Variants in PLA2G10 observed in about 807,000 individuals in gnomAD.
PLA2G10 encodes group 10 secretory phospholipase A2.
Under a neutral mutation model 7.9 loss-of-function variants are expected in PLA2G10, and 9 were observed. That is an observed-to-expected ratio of 1.14 (90% CI 0.68 to 1.98). PLA2G10 has a LOEUF of 1.98. Ranked by LOEUF, PLA2G10 falls within the 30% of genes most tolerant of loss-of-function variation. The probability of loss-of-function intolerance (pLI) is 0.00; values close to 1 mark genes in which losing one functional copy is unlikely to be tolerated. For missense variants in PLA2G10, 53 were observed against 65.4 expected, an observed-to-expected ratio of 0.81 and a Z score of 0.66; for synonymous variants, 19 against 27.5, an observed-to-expected ratio of 0.69 and a Z score of 0.97.
At chr16:14,685,056 C>A (rs986320882) in intron 3 of PLA2G10, among the ~76,000 whole-genome samples, 1 of 152,054 alleles carries the variant, frequency 6.6e-6, no homozygotes, top group Non-Finnish European at 1.5e-5. Flanking sequence ...AAATGAATGA[C>A]GTACTGACAC....
intron 3 of PLA2G10, among the ~76,000 whole-genome samples, chr16:14,686,804 A>G (rs1244540653): frequency 6.6e-6 from 1 of 152,124 alleles, no homozygotes; most frequent in Admixed American, 6.6e-5. Flanking sequence ...CCAAAATGGA[A>G]TCTTAAAAAT....
intron 3 of PLA2G10, among the ~76,000 whole-genome samples, chr16:14,676,286 A>G (rs1960723230): frequency 6.6e-6 from 1 of 152,224 alleles, no homozygotes; most frequent in South Asian, 2.1e-4. Context: ...AAAATAAATC[A>G]TTATATCAAA....
At chr16:14,678,790 G>C (rs944847770) in intron 3 of PLA2G10, 1 of 372,478 alleles carries the variant, frequency 2.7e-6, no homozygotes, top group Admixed American at 3.1e-5. Context: ...TGCAAATCAG[G>C]TCATGTCCCT....
At chr16:14,675,071 T>C (rs1328486290) in intron 3 of PLA2G10, among the ~76,000 whole-genome samples, 3 of 150,956 alleles carry the variant, frequency 2.0e-5, no homozygotes, top group African/African-American at 7.3e-5. Flanking sequence ...CTTGGTAAGC[T>C]GAGGCAGAAG....
chr16:14,686,830 A>G (rs1309027076), intron 3 of PLA2G10, among the ~76,000 whole-genome samples: 1 of 152,054 alleles, frequency 6.6e-6, no homozygotes, highest in East Asian at 1.9e-4. Flanking sequence ...CCACGGCCAG[A>G]TGCAGTGGCT....
At chr16:14,679,682 T>A (rs1465869245) in intron 3 of PLA2G10, among the ~76,000 whole-genome samples, 28 of 143,908 alleles carry the variant, frequency 1.9e-4, no homozygotes, top group African/African-American at 6.9e-4. Flanking sequence ...AAAATAATAA[T>A]AATAATAATA....
At chr16:14,678,879 A>C (rs545037678) in intron 3 of PLA2G10, 18 of 246,036 alleles carry the variant, frequency 7.3e-5, no homozygotes, top group South Asian at 6.7e-4. Context: ...AGCCCCTATC[A>C]CTCTCCGACA....
intron 3 of PLA2G10, among the ~76,000 whole-genome samples, chr16:14,682,835 G>T (rs924388986): frequency 1.3e-5 from 2 of 152,100 alleles, no homozygotes; most frequent in African/African-American, 4.8e-5. Context: ...TTGGGAGGCC[G>T]AGGTGGGCAG....
chr16:14,677,622 C>G (rs938982727), intron 3 of PLA2G10, among the ~76,000 whole-genome samples: 8 of 152,126 alleles, frequency 5.3e-5, no homozygotes, highest in African/African-American at 1.9e-4. Context: ...GCCTTAGCCT[C>G]CTAAATTACA....
intron 3 of PLA2G10, among the ~76,000 whole-genome samples, chr16:14,683,555 G>C (rs576479313): frequency 6.6e-6 from 1 of 152,156 alleles, no homozygotes; most frequent in South Asian, 2.1e-4. Context: ...AGCAAAGGTA[G>C]CAGGATGATT....
chr16:14,685,964 C>T (rs556546003), intron 3 of PLA2G10, among the ~76,000 whole-genome samples: 19 of 150,484 alleles, frequency 1.3e-4, no homozygotes, highest in Admixed American at 3.3e-4. Flanking sequence ...TGAGCCACCA[C>T]GCCCAGCCTC....
At chr16:14,674,953 C>T (rs1203719598) in intron 3 of PLA2G10, among the ~76,000 whole-genome samples, 1 of 152,088 alleles carries the variant, frequency 6.6e-6, no homozygotes, top group Non-Finnish European at 1.5e-5. Flanking sequence ...AAGCGGATCA[C>T]CTGAGGTTCA....
chr16:14,682,676 G>C (rs188979658), intron 3 of PLA2G10, among the ~76,000 whole-genome samples: 2 of 152,306 alleles, frequency 1.3e-5, no homozygotes, highest in Non-Finnish European at 2.9e-5. Flanking sequence ...TTTTAATCAA[G>C]AGTTGGAACA....
intron 3 of PLA2G10, chr16:14,678,588 G>A (rs946975938): frequency 3.1e-5 from 8 of 260,952 alleles, no homozygotes; most frequent in Non-Finnish European, 6.3e-5. Context: ...TGGCCAACAT[G>A]GTGAAACTCC....
At chr16:14,675,204 T>C (rs946045057) in intron 3 of PLA2G10, among the ~76,000 whole-genome samples, 4 of 148,202 alleles carry the variant, frequency 2.7e-5, no homozygotes, top group East Asian at 2.0e-4. Context: ...AAAACATAAA[T>C]TGGGGAAATG....
At chr16:14,681,252 A>G (rs1960884409) in intron 3 of PLA2G10, among the ~76,000 whole-genome samples, 1 of 152,046 alleles carries the variant, frequency 6.6e-6, no homozygotes, top group Admixed American at 6.6e-5. Context: ...GCAAAGCCAT[A>G]TACAATCTCC....
At position 14,672,616 on chromosome 16, in the gene PLA2G10, C is replaced by CA. The variant is rs1297717315; in HGVS notation, c.488_489insT (p.Lys163AsnfsTer3). 1.2e-6 allele frequency: 2 copies of CA among 1,613,932 alleles called. No homozygotes were observed. The highest frequency in any genetic ancestry group is 1.7e-6 in the Non-Finnish European group (2 of 1,179,950). ...TTTCAAGTCAAGGTAGTCAGTCACA[C>CA]TTGGGCGAGTCCGGCTCACATAGGA... On this transcript the variant is annotated frameshift_variant, in exon 4 of 4. Coordinates refer to ENST00000438167, the MANE Select transcript of PLA2G10 (RefSeq NM_003561.3). LOFTEE classifies it high-confidence loss of function.
chr16:14,678,009 G>A (rs1010916100), intron 3 of PLA2G10, among the ~76,000 whole-genome samples: 7 of 152,144 alleles, frequency 4.6e-5, no homozygotes, highest in Non-Finnish European at 1.0e-4. Context: ...TAATATGTGC[G>A]AAAATTAGTC....
chr16:14,675,024 A>G (rs1384557750), intron 3 of PLA2G10, among the ~76,000 whole-genome samples: 1 of 152,076 alleles, frequency 6.6e-6, no homozygotes, highest in Non-Finnish European at 1.5e-5. Flanking sequence ...ATACAAAATT[A>G]GCTGGGCGTA....
Sources: allele counts gnomAD v4.1 joint callset (sites outside exome capture counted in the v4.1 genomes callset), GRCh38; gene constraint gnomAD v4.1.1; transcripts MANE v1.5; gene names NCBI Gene and HGNC (gene_info 2026-07-23, HGNC 2026-07-21).